Variants in CACNA1H observed in about 807,000 individuals in gnomAD.
The protein encoded by CACNA1H is voltage-dependent T-type calcium channel subunit alpha-1H.
A neutral mutation model predicts 192.5 loss-of-function variants in CACNA1H; 149 were observed. The ratio of observed to expected loss-of-function variants is 0.77; its 90% CI spans 0.68 to 0.89. The LOEUF is 0.89. Ranked by LOEUF, CACNA1H falls within the 40% of genes least tolerant of loss-of-function variation. The pLI, the probability that CACNA1H is intolerant of heterozygous loss-of-function variation, is 0.00. For missense variants in CACNA1H, 4,257 were observed against 3,423.5 expected (o/e 1.24, Z -6.08); for synonymous variants, 2,202 against 1,475.2 (o/e 1.49, Z -11.29).
At chr16:1,196,971 C>T (rs930840480) in intron 5 of CACNA1H, among the ~76,000 whole-genome samples, 2 of 152,180 alleles carry the variant, frequency 1.3e-5, no homozygotes, top group African/African-American at 4.8e-5. Flanking sequence ...CACAGCCTTT[C>T]TGGCTGCCTG....
At chr16:1,219,200 T>C in intron 34 of CACNA1H, 70 bp downstream of exon 34, 1 of 1,397,360 alleles carries the variant, frequency 7.2e-7, no homozygotes, top group Non-Finnish European at 9.5e-7. Flanking sequence ...CCTCGTCTCA[T>C]CTGAAGGACC....
rs1416304092 is a variant in CACNA1H, at chr16:1,167,998, C to G, written c.299+13962C>G. ...CCGCTTGTCCCCAAGGCCTGGTGAC[C>G]GCACCTCTGTCTGCCCTAGGCCTTC... On this transcript the variant is annotated intron_variant, in intron 2 of 34. Coordinates refer to ENST00000348261, the MANE Select transcript of CACNA1H (RefSeq NM_021098.3). The surrounding 1 kb of genome is among the most constrained non-coding windows in gnomAD (Gnocchi z 4.2). Among the ~76,000 whole-genome samples the G allele has an allele frequency of 6.6e-6, 1 of 152,186 alleles. No homozygotes were observed. The highest frequency in any genetic ancestry group is 1.9e-4 in the East Asian group (1 of 5,174).
intron 2 of CACNA1H, among the ~76,000 whole-genome samples, chr16:1,179,972 T>C (rs1167730768): frequency 6.6e-6 from 1 of 151,678 alleles, no homozygotes; most frequent in Non-Finnish European, 1.5e-5. Context: ...CCTGACCTCA[T>C]GATCCACCTG....
At position 1,218,114 on chromosome 16, in the gene CACNA1H, A is replaced by C. The variant is rs1970184175; in HGVS notation, c.5445+74A>C. ...TCAGGCTCTCCCAGGAACGGGTCGG[A>C]TCCGTCCTTGCAGGGCAGGGGGAAG... On this transcript the variant is annotated intron_variant, in intron 32 of 34. Coordinates refer to ENST00000348261, the MANE Select transcript of CACNA1H (RefSeq NM_021098.3). 3.9e-6 allele frequency: 6 copies of C among 1,548,526 alleles called. No individual in the cohort carries two copies. The Admixed American group carries it at 1.1e-4, about 29-fold the overall frequency.
At chr16:1,157,146 C>T (rs1217420411) in intron 2 of CACNA1H, 1 of 152,178 alleles carries the variant, frequency 6.6e-6, no homozygotes, top group East Asian at 1.9e-4. Flanking sequence ...GGCGGGGCCC[C>T]CGGGAATGCT....
At chr16:1,205,445 G>A (rs1483826934) in intron 11 of CACNA1H, among the ~76,000 whole-genome samples, 180 bp downstream of exon 11, 1 of 152,190 alleles carries the variant, frequency 6.6e-6, no homozygotes, top group Non-Finnish European at 1.5e-5. Context: ...CCTGGGCAGA[G>A]TCCCCTCCCC....
intron 2 of CACNA1H, among the ~76,000 whole-genome samples, chr16:1,166,622 C>G (rs575452222): frequency 6.6e-6 from 1 of 152,146 alleles, no homozygotes; most frequent in Non-Finnish European, 1.5e-5. Flanking sequence ...GCTGTCTCGG[C>G]GTCTCCCGCT....
At position 1,200,476 on chromosome 16, in the gene CACNA1H, C is replaced by T; in HGVS notation, c.1024C>T (p.Gln342Ter). Residue 342 changes from glutamine to a stop codon, truncating the protein, a stop_gained, in exon 7 of 35, where the codon CAG (glutamine) becomes TAG (stop). Transcript: ENST00000348261. LOFTEE classifies it high-confidence loss of function. Reference sequence around the variant, plus strand: ...ACGCAACGCCTGCATCAACTGGAACCAGTACTACAACGTGTGCCGCTCGGG... The same window carrying T: ...ACGCAACGCCTGCATCAACTGGAACTAGTACTACAACGTGTGCCGCTCGGG... ...AARNACINWN[Q>*]YYNVCRSGDS... 1 of 1,612,158 alleles carries T rather than the reference C, an allele frequency of 6.2e-7. No homozygotes were observed. Among genetic ancestry groups the T allele is most frequent in the Non-Finnish European group, 8.5e-7 (1 of 1,179,704 alleles).
Position 1,204,427 on chromosome 16 carries a change from CGCTGAGCATGG to C in CACNA1H, c.2423_2433del (p.Leu808ArgfsTer5). The C allele has an allele frequency of 6.5e-7, 1 of 1,549,202 alleles. No individual in the cohort carries two copies. Among genetic ancestry groups the C allele is most frequent in the Non-Finnish European group, 8.7e-7 (1 of 1,148,644 alleles). The stretch of plus-strand genomic sequence containing the variant: ...ATCATGATGGCCATCCTTGTCAACA[CGCTGAGCATGG>C]GCGTGGAGTACCATGAGCAGGTGCG... On this transcript the variant is annotated frameshift_variant, in exon 10 of 35. Transcript: ENST00000348261. LOFTEE classifies it high-confidence loss of function.
chr16:1,175,224 A>G lies in CACNA1H; in HGVS notation c.300-19748A>G, dbSNP rs1179483830. On this transcript the variant is annotated intron_variant, in intron 2 of 34. Transcript: ENST00000348261. Reference sequence around the variant, plus strand: ...ACTGTGCGCACAGGTTAATGTCCACAGCCCTTATGTGGTGTGAGGCTCTAC... The same window carrying G: ...ACTGTGCGCACAGGTTAATGTCCACGGCCCTTATGTGGTGTGAGGCTCTAC... 9.2e-5 allele frequency among the ~76,000 whole-genome samples: 14 copies of G among 152,254 alleles called. No individual in the cohort carries two copies. The East Asian group carries it at 2.7e-3, about 29-fold the overall frequency.
At position 1,153,335 on chromosome 16, in the gene CACNA1H, AGGCGCTGGGGGCCGGGGCCGGGGCCG is replaced by A. The variant is rs1961822878; in HGVS notation, c.-151_-126del. On this transcript the variant is annotated 5_prime_UTR_variant, in exon 1 of 35. Coordinates refer to ENST00000348261, the MANE Select transcript of CACNA1H (RefSeq NM_021098.3). ...GGCTGGGGACGCGGGCCGGGGGCGG[AGGCGCTGGGGGCCGGGGCCGGGGCCG>A]GGGGCGGAGGCGCTGGGGGCCGGGG... 2 of 92,924 alleles carry A rather than the reference AGGCGCTGGGGGCCGGGGCCGGGGCCG, an allele frequency of 2.2e-5. No individual in the cohort carries two copies. The highest frequency in any genetic ancestry group is 2.0e-4 in the Admixed American group (2 of 9,912). 5.8% of individuals were successfully genotyped at this position (92,924 alleles called of 1,614,324 possible).
chr16:1,194,376 C>T (rs113351666), intron 2 of CACNA1H, among the ~76,000 whole-genome samples: 4,250 of 152,288 alleles, frequency 0.028, 72 homozygotes, highest in Non-Finnish European at 0.038. Context: ...GACGGATTGC[C>T]TCTCCCTCCT....
intron 2 of CACNA1H, among the ~76,000 whole-genome samples, chr16:1,164,386 G>A (rs1445838838): frequency 2.0e-5 from 3 of 152,116 alleles, no homozygotes; most frequent in Non-Finnish European, 1.5e-5. Flanking sequence ...CAGGCTGAGT[G>A]CAGTGGTGCA....
rs373353512 is a variant in CACNA1H at position 1,218,398 on chromosome 16, C to G, written c.5634C>G (p.Ala1878=). 6 of 1,557,906 alleles carry G rather than the reference C, an allele frequency of 3.9e-6. No individual in the cohort carries two copies. The highest frequency in any genetic ancestry group is 2.4e-5 in the South Asian group (2 of 84,400). The change falls in exon 33 of 35, where the codon GCC becomes GCG. Residue 1878 remains alanine (A), a synonymous_variant. Transcript: ENST00000348261. ...KEAREDAELD[A]EIELEMAQGP... ...CACGGGAGGATGCGGAGCTGGACGC[C>G]GAGATCGAGCTGGAGATGGCGCAGG...
chr16:1,207,663 C>T (rs924260964), intron 14 of CACNA1H, 107 bp from the exon 15 acceptor site: 16 of 1,055,878 alleles, frequency 1.5e-5, no homozygotes, highest in Admixed American at 2.1e-5. Context: ...TCCTCTGGGC[C>T]CTTCTGTCCA....
chr16:1,216,946 CCTT>C lies in CACNA1H; in HGVS notation c.5263_5265del (p.Leu1755del). The C allele has an allele frequency of 6.2e-7, 1 of 1,603,722 alleles. No homozygotes were observed. The highest frequency in any genetic ancestry group is 8.5e-7 in the Non-Finnish European group (1 of 1,175,316). Reference sequence around the variant, plus strand: ...CTCTTGTGTAGGTGGGGAACCTGGGCCTTCTTTTCATGCTCCTGTTTTTTATCT... The same window carrying C: ...CTCTTGTGTAGGTGGGGAACCTGGGCCTTTTCATGCTCCTGTTTTTTATCT... On this transcript the variant is annotated inframe_deletion, in exon 31 of 35. Coordinates refer to ENST00000348261, the MANE Select transcript of CACNA1H (RefSeq NM_021098.3).
At chr16:1,168,530 C>G (rs947069082) in intron 2 of CACNA1H, among the ~76,000 whole-genome samples, 4 of 151,974 alleles carry the variant, frequency 2.6e-5, no homozygotes, top group African/African-American at 9.7e-5. Flanking sequence ...TGGGGAGATG[C>G]ACCCTGGAGG....
At chr16:1,213,966 T>A (rs771016952) in intron 27 of CACNA1H, 35 bp downstream of exon 27, 1 of 1,574,344 alleles carries the variant, frequency 6.4e-7, no homozygotes, top group Admixed American at 1.8e-5. Flanking sequence ...GCCCAGGGGC[T>A]GGGGCACCCC....
chr16:1,197,750 AC>A (rs1967160125), intron 5 of CACNA1H, among the ~76,000 whole-genome samples: 2 of 152,036 alleles, frequency 1.3e-5, no homozygotes, highest in Non-Finnish European at 2.9e-5. Flanking sequence ...TGCCATTGAT[AC>A]CCCTGGGTGC....
Sources: gnomAD v4.1 joint callset for allele counts (sites outside exome capture counted in the v4.1 genomes callset) on GRCh38, gnomAD v4.1.1 for gene constraint, Gnocchi (gnomAD v3.1) non-coding constraint, MANE v1.5 for transcripts, NCBI Gene and HGNC (gene_info 2026-07-23, HGNC 2026-07-21) for gene names.